PLGRKT: variants seen among roughly 807,000 people sequenced by gnomAD.
The protein encoded by PLGRKT is plasminogen receptor (KT).
A neutral mutation model predicts 18.5 loss-of-function variants in PLGRKT; 22 were observed. The observed-to-expected ratio is 1.19, with a 90% CI of 0.85 to 1.70. The LOEUF (loss-of-function observed/expected upper bound fraction) is 1.70. PLGRKT is among the 40% of genes most tolerant of loss of function. PLGRKT has a pLI of 0.00. For synonymous variants in PLGRKT, 72 were observed against 52.8 expected (o/e 1.36, Z -1.58); for missense variants, 235 against 174.4 (o/e 1.35, Z -1.96).
chr9:5,366,446 A>C (rs1171104658), intron 3 of PLGRKT, among the ~76,000 whole-genome samples: 1 of 152,184 alleles, frequency 6.6e-6, no homozygotes, highest in Non-Finnish European at 1.5e-5. Flanking sequence ...CTACAGAATA[A>C]TTTGAAATCA....
chr9:5,363,105 A>T (rs1222334234), intron 3 of PLGRKT, among the ~76,000 whole-genome samples: 2 of 151,916 alleles, frequency 1.3e-5, no homozygotes, highest in South Asian at 4.1e-4. Context: ...ATGAGTCCAA[A>T]ACCTAGAGCC....
At chr9:5,432,712 G>A (rs1268638738) in intron 2 of PLGRKT, among the ~76,000 whole-genome samples, 3 of 152,220 alleles carry the variant, frequency 2.0e-5, no homozygotes, top group African/African-American at 7.2e-5. Flanking sequence ...TGACTGGGCT[G>A]GTCTCGAGCT....
intron 3 of PLGRKT, among the ~76,000 whole-genome samples, chr9:5,383,158 T>C (rs1277602558): frequency 2.0e-5 from 3 of 152,096 alleles, no homozygotes; most frequent in Non-Finnish European, 4.4e-5. Context: ...ATTGGAGCAA[T>C]GCAGCCACAA....
At chr9:5,416,144 T>C (rs1281693195) in intron 3 of PLGRKT, among the ~76,000 whole-genome samples, 8 of 152,022 alleles carry the variant, frequency 5.3e-5, no homozygotes. Context: ...TTTTTAAAAA[T>C]ATGGATTCAC....
chr9:5,359,365 A>G (rs897087597), intron 5 of PLGRKT, among the ~76,000 whole-genome samples: 5 of 152,158 alleles, frequency 3.3e-5, no homozygotes, highest in Non-Finnish European at 1.5e-5. Flanking sequence ...TTAACACACT[A>G]TTAATTGTAC....
chr9:5,388,309 G>C (rs1817883809), intron 3 of PLGRKT, among the ~76,000 whole-genome samples: 2 of 151,906 alleles, frequency 1.3e-5, no homozygotes, highest in African/African-American at 2.4e-5. Context: ...CAAGGAGGGA[G>C]AGATCAACTG....
At chr9:5,372,610 ACAG>A (rs1817543942) in intron 3 of PLGRKT, among the ~76,000 whole-genome samples, 1 of 152,212 alleles carries the variant, frequency 6.6e-6, no homozygotes, top group African/African-American at 2.4e-5. Context: ...GCCTCCTGCC[ACAG>A]GTGCTCAGGA....
chr9:5,429,411 C>G (rs915458581), intron 3 of PLGRKT, among the ~76,000 whole-genome samples: 2 of 152,214 alleles, frequency 1.3e-5, no homozygotes, highest in African/African-American at 2.4e-5. Flanking sequence ...GGACCACAAA[C>G]TGGACGGCTT....
At chr9:5,372,940 A>G (rs1169015470) in intron 3 of PLGRKT, among the ~76,000 whole-genome samples, 1 of 152,216 alleles carries the variant, frequency 6.6e-6, no homozygotes, top group East Asian at 1.9e-4. Flanking sequence ...CCGTGGTCAC[A>G]GTTATTAAGT....
rs1818498001 is a variant in PLGRKT, at chr9:5,418,060, TA to T, written c.81+13836del. Among the ~76,000 whole-genome samples, 1 of 152,236 alleles carries T rather than the reference TA, an allele frequency of 6.6e-6. No individual in the cohort carries two copies. The highest frequency in any genetic ancestry group is 2.4e-5 in the African/African-American group (1 of 41,458). ...TGTGGAGTTTAACGTCTAAGTAGAA[TA>T]TGTCTATCTCGTAACGTGATTTTGA... On this transcript the variant is annotated intron_variant, in intron 3 of 5. Coordinates refer to ENST00000223864, the MANE Select transcript of PLGRKT (RefSeq NM_018465.4). The surrounding 1 kb of genome is among the most constrained non-coding windows in gnomAD (Gnocchi z 4.2).
chr9:5,374,380 C>G (rs1418238327), intron 3 of PLGRKT, among the ~76,000 whole-genome samples: 2 of 152,166 alleles, frequency 1.3e-5, no homozygotes, highest in Non-Finnish European at 2.9e-5. Flanking sequence ...GTGTTGCTTT[C>G]CTGCTTAAAA....
intron 3 of PLGRKT, among the ~76,000 whole-genome samples, chr9:5,393,272 A>G (rs1817983949): frequency 6.6e-6 from 1 of 151,942 alleles, no homozygotes; most frequent in South Asian, 2.1e-4. Context: ...CATGTACACA[A>G]TAACAAGAAA....
rs375682412 is a variant in PLGRKT, at chr9:5,424,668, TTATATATA to T, written c.81+7221_81+7228del. 9.9e-3 allele frequency among the ~76,000 whole-genome samples: 1,117 copies of T among 113,148 alleles called. 59 individuals carry two copies. Among genetic ancestry groups the T allele is most frequent in the African/African-American group, 0.043 (1,042 of 24,342 alleles). The allele number at this position is 113,148 out of a possible 152,430, so 74.2% of individuals were successfully genotyped here. On this transcript the variant is annotated intron_variant, in intron 3 of 5. Transcript: ENST00000223864. ...ATTATATATAATATAATTATATATT[TTATATATA>T]TATATATATATATATACACACAGGG... is the stretch of plus-strand genomic sequence containing the variant.
intron 2 of PLGRKT, among the ~76,000 whole-genome samples, chr9:5,435,690 T>G (rs368267194): frequency 6.6e-6 from 1 of 152,236 alleles, no homozygotes; most frequent in Admixed American, 6.5e-5. Context: ...CTTGAGTTAG[T>G]TGGTTGCATT....
In PLGRKT at chr9:5,358,245, G is replaced by C; in HGVS notation, c.438C>G (p.Asp146Glu). The C allele has an allele frequency of 1.2e-6, 2 of 1,608,056 alleles. No individual in the cohort carries two copies. Among genetic ancestry groups the C allele is most frequent in the Non-Finnish European group, 1.7e-6 (2 of 1,175,094 alleles). Residue 146 changes from aspartate (D) to glutamate (E), a missense_variant, in exon 6 of 6, where the codon GAC becomes GAG. Transcript: ENST00000223864. Reference protein sequence around the residue: ...ARKEQSRFFIDK With the variant: ...ARKEQSRFFIEK The stretch of plus-strand genomic sequence containing the variant: ...TTGATTGGTAAGCATGATTTCATTT[G>C]TCTATGAAGAATCTACTCTGTTCCT...
chr9:5,419,710 AGAG>A (rs1446730761), intron 3 of PLGRKT, among the ~76,000 whole-genome samples: 1 of 152,042 alleles, frequency 6.6e-6, no homozygotes, highest in Non-Finnish European at 1.5e-5. Context: ...GGAAAAAAAA[AGAG>A]AGAGAGAAAA....
At chr9:5,413,150 A>AC (rs1818396883) in intron 3 of PLGRKT, among the ~76,000 whole-genome samples, 1 of 152,240 alleles carries the variant, frequency 6.6e-6, no homozygotes, top group African/African-American at 2.4e-5. Context: ...CTGAAGAGAA[A>AC]CGTAGCAATA....
intron 3 of PLGRKT, among the ~76,000 whole-genome samples, chr9:5,405,800 C>G (rs1818244286): frequency 6.6e-6 from 1 of 152,128 alleles, no homozygotes; most frequent in South Asian, 2.1e-4. Context: ...GCAAATGAAA[C>G]TATCATCAGA....
chr9:5,426,363 A>G (rs1314961381), intron 3 of PLGRKT, among the ~76,000 whole-genome samples: 2 of 152,196 alleles, frequency 1.3e-5, no homozygotes, highest in East Asian at 3.8e-4. Flanking sequence ...AGGAAAGAAC[A>G]GCTCAAAACC....
Sources: gnomAD v4.1 joint callset for allele counts (sites outside exome capture counted in the v4.1 genomes callset) on GRCh38, gnomAD v4.1.1 for gene constraint, Gnocchi (gnomAD v3.1) non-coding constraint, MANE v1.5 for transcripts, NCBI Gene and HGNC (gene_info 2026-07-23, HGNC 2026-07-21) for gene names.